C8orf34: variants seen among roughly 807,000 people sequenced by gnomAD.
C8orf34 encodes the protein uncharacterized protein C8orf34.
In C8orf34, 65 loss-of-function variants were observed where a neutral mutation model predicts 68.3. The observed-to-expected ratio is 0.95, with a 90% CI of 0.78 to 1.17. C8orf34 has a LOEUF of 1.17. Among genes scored for constraint, C8orf34 ranks in the 50% most tolerant of loss-of-function variants. The pLI is 0.00. For synonymous variants in C8orf34, 244 were observed against 241.2 expected, an observed-to-expected ratio of 1.01 and a Z score of -0.11; for missense variants, 664 against 655.4, an observed-to-expected ratio of 1.01 and a Z score of -0.14.
chr8:68,441,890 A>G (rs1015151890), intron 2 of C8orf34, among the ~76,000 whole-genome samples: 1 of 152,190 alleles, frequency 6.6e-6, no homozygotes, highest in African/African-American at 2.4e-5. Flanking sequence ...ATGTTATTCT[A>G]TCAGTTCTCT....
intron 8 of C8orf34, among the ~76,000 whole-genome samples, chr8:68,674,118 A>T (rs1413077273): frequency 6.6e-5 from 10 of 152,130 alleles, no homozygotes; most frequent in Admixed American, 6.5e-4. Flanking sequence ...AGTGACCAAA[A>T]ATGTAGATGA....
At position 68,529,836 on chromosome 8, in the gene C8orf34, A is replaced by G. The variant is rs558526406; in HGVS notation, c.939-3147A>G. On this transcript the variant is annotated intron_variant, in intron 6 of 13. Coordinates refer to ENST00000518698, the MANE Select transcript of C8orf34 (RefSeq NM_052958.4). ...GCTTATTCATATAAAATAACATTTC[A>G]AGATACAGTATATATTAATTTTGCA... 1.1e-4 allele frequency among the ~76,000 whole-genome samples: 17 copies of G among 152,260 alleles called. 1 individual carries two copies. The South Asian group carries it at 3.5e-3, about 32-fold the overall frequency.
At position 68,435,512 on chromosome 8, in the gene C8orf34, C is replaced by T. The variant is rs184557634; in HGVS notation, c.328-3987C>T. ...TTGCCTGGAAGCTGCGGCAATTCTT[C>T]GGTGTCTTTGTGGAACCCTCATAGC... On this transcript the variant is annotated intron_variant, in intron 1 of 13. Transcript: ENST00000518698. 6.4e-3 allele frequency among the ~76,000 whole-genome samples: 980 copies of T among 152,246 alleles called. 9 individuals are homozygous for T. Among genetic ancestry groups the T allele is most frequent in the African/African-American group, 0.02 (841 of 41,538 alleles).
chr8:68,600,361 A>G (rs149951671), intron 7 of C8orf34, among the ~76,000 whole-genome samples: 95 of 152,296 alleles, frequency 6.2e-4, no homozygotes, highest in African/African-American at 2.2e-3. Flanking sequence ...CAAACATCAT[A>G]TATGATTTTT....
intron 1 of C8orf34, among the ~76,000 whole-genome samples, chr8:68,368,590 A>C (rs746194824): frequency 3.2e-4 from 48 of 152,260 alleles, no homozygotes; most frequent in African/African-American, 1.1e-3. Flanking sequence ...TTGCAATATT[A>C]GCTTTTTTGT....
intron 12 of C8orf34, chr8:68,790,996 T>C: frequency 1.6e-6 from 1 of 607,966 alleles, no homozygotes; most frequent in Non-Finnish European, 2.9e-6. Flanking sequence ...TCTAGGCTTC[T>C]TTCCTCATCT....
chr8:68,597,074 T>C (rs537486503), intron 7 of C8orf34, among the ~76,000 whole-genome samples: 1 of 152,276 alleles, frequency 6.6e-6, no homozygotes, highest in East Asian at 1.9e-4. Flanking sequence ...AAAGTAATGT[T>C]ATGCAGTCAC....
intron 3 of C8orf34, among the ~76,000 whole-genome samples, chr8:68,466,057 A>C (rs7845399): frequency 0.43 from 65,089 of 150,344 alleles, 14,551 homozygotes; most frequent in East Asian, 0.58. Context: ...AAAAACAATG[A>C]AATCATGTCA....
In C8orf34 at chr8:68,719,674, A is replaced by G. The variant is rs557380246; in HGVS notation, c.1328-1687A>G. On this transcript the variant is annotated intron_variant, in intron 9 of 13. Transcript: ENST00000518698. ...TGACATCTATTAAAAACCATTAACTACTCATGGAGAAGAGCTTGAGAACTT... is the reference window on the plus strand; with the variant it reads ...TGACATCTATTAAAAACCATTAACTGCTCATGGAGAAGAGCTTGAGAACTT... Among the ~76,000 whole-genome samples, 284 of 151,988 alleles carry G rather than the reference A, an allele frequency of 1.9e-3. 3 individuals carry two copies. Among genetic ancestry groups the G allele is most frequent in the Non-Finnish European group, 3.4e-3 (232 of 67,852 alleles).
At chr8:68,568,304 G>T (rs1478064056) in intron 7 of C8orf34, among the ~76,000 whole-genome samples, 1 of 152,066 alleles carries the variant, frequency 6.6e-6, no homozygotes, top group African/African-American at 2.4e-5. Context: ...GCTAACTGGT[G>T]AAGAGGCCTA....
At chr8:68,615,558 T>G (rs1158852861) in intron 7 of C8orf34, among the ~76,000 whole-genome samples, 1 of 152,254 alleles carries the variant, frequency 6.6e-6, no homozygotes, top group East Asian at 1.9e-4. Context: ...CATGTGGTTT[T>G]TGACTTTGGT....
intron 5 of C8orf34, among the ~76,000 whole-genome samples, chr8:68,521,479 A>G (rs949313705): frequency 6.6e-6 from 1 of 152,088 alleles, no homozygotes; most frequent in African/African-American, 2.4e-5. Flanking sequence ...CTCTCTGCCT[A>G]TGTGGGCCGC....
At chr8:68,783,656 T>C (rs1466314512) in intron 11 of C8orf34, among the ~76,000 whole-genome samples, 12 of 152,210 alleles carry the variant, frequency 7.9e-5, no homozygotes, top group Middle Eastern at 3.4e-3. Flanking sequence ...TACTTCAAGC[T>C]GGAGCTGTCC....
chr8:68,757,483 A>T (rs1015163625), intron 10 of C8orf34, among the ~76,000 whole-genome samples: 1 of 152,114 alleles, frequency 6.6e-6, no homozygotes, highest in African/African-American at 2.4e-5. Context: ...TACAAAAATT[A>T]GCCGGGTATG....
At chr8:68,768,125 A>G (rs1823233681) in intron 10 of C8orf34, among the ~76,000 whole-genome samples, 1 of 152,218 alleles carries the variant, frequency 6.6e-6, no homozygotes, top group Non-Finnish European at 1.5e-5. Context: ...GCAACACATG[A>G]CAATTATGAT....
chr8:68,393,429 A>G (rs1808556708), intron 1 of C8orf34, among the ~76,000 whole-genome samples: 1 of 152,152 alleles, frequency 6.6e-6, no homozygotes, highest in Non-Finnish European at 1.5e-5. Flanking sequence ...AGATCAGTGA[A>G]TAATGAGGAA....
intron 7 of C8orf34, among the ~76,000 whole-genome samples, chr8:68,552,432 T>A (rs1250213017): frequency 2.6e-5 from 4 of 152,180 alleles, no homozygotes; most frequent in African/African-American, 9.6e-5. Flanking sequence ...TAGTCCTAAG[T>A]GTTTTTTCCA....
intron 12 of C8orf34, chr8:68,791,154 G>C (rs1563671720): frequency 4.7e-6 from 2 of 421,622 alleles, no homozygotes; most frequent in Non-Finnish European, 8.3e-6. Flanking sequence ...TAATTGTAAA[G>C]AAAAAAGGTT....
At chr8:68,753,686 C>A (rs1822768356) in intron 10 of C8orf34, among the ~76,000 whole-genome samples, 1 of 152,154 alleles carries the variant, frequency 6.6e-6, no homozygotes, top group African/African-American at 2.4e-5. Flanking sequence ...TTTTATGTGA[C>A]CCTCTTTTAG....
Sources: gnomAD v4.1 joint callset for allele counts (sites outside exome capture counted in the v4.1 genomes callset) on GRCh38, gnomAD v4.1.1 for gene constraint, MANE v1.5 for transcripts, NCBI Gene and HGNC (gene_info 2026-07-23, HGNC 2026-07-21) for gene names.